The following TECTA variants were observed in gnomAD, a reference collection of about 807,000 sequenced individuals.
The protein encoded by TECTA is tectorin alpha, also known as alpha-tectorin.
TECTA carries 128 observed loss-of-function variants against 216.8 expected under a neutral mutation model. That is an observed-to-expected ratio of 0.59 (90% CI 0.51 to 0.68). TECTA has a LOEUF of 0.68. TECTA is among the 30% of genes least tolerant of loss of function. The pLI, the probability that TECTA is intolerant of heterozygous loss-of-function variation, is 0.00. For missense variants in TECTA, 2,551 were observed against 2,786.2 expected (o/e 0.92, Z 1.90); for synonymous variants, 1,089 against 1,117.1 (o/e 0.97, Z 0.50).
chr11:121,133,306 A>G (rs1946693341), intron 10 of TECTA, among the ~76,000 whole-genome samples: 2 of 152,048 alleles, frequency 1.3e-5, no homozygotes, highest in Non-Finnish European at 2.9e-5. Context: ...GTAAAACTTC[A>G]GTATGTATTT....
At chr11:121,148,801 A>G (rs1188110090) in intron 12 of TECTA, among the ~76,000 whole-genome samples, 3 of 152,232 alleles carry the variant, frequency 2.0e-5, no homozygotes, top group Non-Finnish European at 2.9e-5. Context: ...TTACTCAATT[A>G]CCTTATTTGT....
At chr11:121,173,357 A>T (rs375513839) in intron 20 of TECTA, among the ~76,000 whole-genome samples, 1 of 146,924 alleles carries the variant, frequency 6.8e-6, no homozygotes, top group Non-Finnish European at 1.5e-5. Flanking sequence ...ATCTTGAATT[A>T]ATTTTTGTAT....
Position 121,175,107 on chromosome 11 carries a change from G to A in TECTA, c.5999+6182G>A, listed in dbSNP as rs559724968. 5.3e-4 allele frequency among the ~76,000 whole-genome samples: 80 copies of A among 151,696 alleles called. 2 individuals carry two copies. In the South Asian group the frequency reaches 9.6e-3, roughly 18 times the overall value. ...TTTCTTCTTTATTAATCTTGCTAGCGGTCTATCAATTTTGTTGATCCTTTC... is the reference window on the plus strand; with the variant it reads ...TTTCTTCTTTATTAATCTTGCTAGCAGTCTATCAATTTTGTTGATCCTTTC... On this transcript the variant is annotated intron_variant, in intron 20 of 23. Coordinates refer to ENST00000392793, the MANE Select transcript of TECTA (RefSeq NM_005422.4).
In TECTA at chr11:121,162,275, A is replaced by T. The variant is rs1195581832; in HGVS notation, c.5177A>T (p.Lys1726Met). The change falls in exon 16 of 24, where the codon AAG becomes ATG. Residue 1726 changes from lysine to methionine, a missense_variant. Physicochemically the swap from Lys to Met is moderately conservative, Grantham distance 95. This residue lies in a region of TECTA where 2,375 missense variants were observed against 2,563.9 expected (regional missense o/e 0.93). Transcript: ENST00000392793. ...TACCTGGACGGCTGCTACAGCCACA[A>T]GAAGTTCCAGCTGTGCGGCTCCCTG... ...SCYLDGCYSH[K>M]KFQLCGSLAA... 1.2e-6 allele frequency: 2 copies of T among 1,613,824 alleles called. No individual in the cohort carries two copies. The highest frequency in any genetic ancestry group is 1.7e-6 in the Non-Finnish European group (2 of 1,180,058).
At chr11:121,165,425 G>A (rs1555128740) in intron 17 of TECTA, 42 bp downstream of exon 17, 1 of 1,503,964 alleles carries the variant, frequency 6.6e-7, no homozygotes, top group Non-Finnish European at 9.1e-7. Context: ...AAGGCCCCAT[G>A]GGAGATGCTG....
chr11:121,125,299 C>T lies in TECTA; in HGVS notation c.1204-3C>T. ...TGCCTTTCACTATTACTGTTGTTGG[C>T]AGGTTAATGACCTAGTGACTTCTTT... On this transcript the variant is annotated splice_region_variant and splice_polypyrimidine_tract_variant and intron_variant, in intron 7 of 23. Coordinates refer to ENST00000392793, the MANE Select transcript of TECTA (RefSeq NM_005422.4). 1 of 1,612,258 alleles carries T rather than the reference C, an allele frequency of 6.2e-7. No individual in the cohort carries two copies. Among genetic ancestry groups the T allele is most frequent in the Non-Finnish European group, 8.5e-7 (1 of 1,179,986 alleles).
chr11:121,128,349 G>A lies in TECTA; in HGVS notation c.2367+5G>A, dbSNP rs755772921. 4 of 1,599,304 alleles carry A rather than the reference G, an allele frequency of 2.5e-6. No homozygotes were observed. In the South Asian group the frequency reaches 4.4e-5, roughly 18 times the overall value. On this transcript the variant is annotated splice_donor_5th_base_variant and intron_variant, in intron 9 of 23. Transcript: ENST00000392793. ...ATCGGGGCTTCGGAAGTCAAGGTAA[G>A]GCTCCTTGCTCCTTTGGAGGGGTTC...
At chr11:121,128,610 C>T (rs1946640989) in intron 9 of TECTA, among the ~76,000 whole-genome samples, 1 of 152,216 alleles carries the variant, frequency 6.6e-6, no homozygotes, top group Admixed American at 6.5e-5. Context: ...TTACTATGTG[C>T]CAAGCACTAT....
At chr11:121,186,928 A>G (rs1947294156) in intron 20 of TECTA, among the ~76,000 whole-genome samples, 2 of 152,210 alleles carry the variant, frequency 1.3e-5, no homozygotes, top group South Asian at 4.1e-4. Context: ...TTTCAAATAC[A>G]TGCCACATGC....
At chr11:121,144,853 G>A (rs1040232946) in intron 11 of TECTA, among the ~76,000 whole-genome samples, 21 of 152,300 alleles carry the variant, frequency 1.4e-4, no homozygotes, top group Middle Eastern at 3.4e-3. Flanking sequence ...ATGGAAGAGC[G>A]TACACCCAGC....
chr11:121,112,949 TG>T, intron 4 of TECTA, 122 bp from the exon 5 acceptor site: 1 of 1,232,364 alleles, frequency 8.1e-7, no homozygotes, highest in Non-Finnish European at 1.2e-6. Context: ...CTGGAGGGCC[TG>T]GCTGCAGAGC....
chr11:121,138,072 A>G (rs1318678438), intron 11 of TECTA, 50 bp downstream of exon 11: 1 of 1,610,888 alleles, frequency 6.2e-7, no homozygotes, highest in South Asian at 1.1e-5. Flanking sequence ...AGACGTCAGG[A>G]TGGGGTCGGC....
intron 7 of TECTA, among the ~76,000 whole-genome samples, chr11:121,122,687 A>G (rs1288207616): frequency 6.8e-6 from 1 of 146,650 alleles, no homozygotes; most frequent in Non-Finnish European, 1.5e-5. Flanking sequence ...AAAAAAAAAA[A>G]AAAAAAGAAA....
intron 20 of TECTA, among the ~76,000 whole-genome samples, chr11:121,178,975 C>T (rs1234266371): frequency 6.6e-6 from 1 of 152,024 alleles, no homozygotes; most frequent in Non-Finnish European, 1.5e-5. Context: ...GGTTTTCTCT[C>T]TTTTTTCCCC....
intron 20 of TECTA, among the ~76,000 whole-genome samples, chr11:121,176,765 A>G (rs1481024440): frequency 6.6e-6 from 1 of 151,920 alleles, no homozygotes; most frequent in Non-Finnish European, 1.5e-5. Flanking sequence ...TATCCTGCAG[A>G]GTATTTTCCA....
intron 4 of TECTA, chr11:121,110,412 TAGAG>T (rs1946431455): frequency 6.6e-6 from 1 of 152,118 alleles, no homozygotes; most frequent in Non-Finnish European, 1.5e-5. Context: ...ACGACTGAGT[TAGAG>T]AGAGGTGAAA....
rs138696978 is a variant in TECTA, at chr11:121,130,193, C to T, written c.2923C>T (p.Arg975Trp). ...TGCGGACGTGGAGGTGGGGCCCTGG[C>T]GGACCTATGACTTCTGCCGTAAGTT... ...KNADVEVGPWRTYDFCPLECP... is the reference protein window; with the variant it reads ...KNADVEVGPWWTYDFCPLECP... The change falls in exon 10 of 24, where the codon CGG becomes TGG. Residue 975 changes from arginine to tryptophan, a missense_variant. Around this residue, in one of 3 missense-constraint regions of TECTA, gnomAD observed 2,375 missense variants for 2,563.9 expected, o/e 0.93. Coordinates refer to ENST00000392793, the MANE Select transcript of TECTA (RefSeq NM_005422.4). 231 of 1,600,786 alleles carry T rather than the reference C, an allele frequency of 1.4e-4. No homozygotes were observed. The highest frequency in any genetic ancestry group is 1.9e-4 in the Non-Finnish European group (223 of 1,179,928).
intron 2 of TECTA, among the ~76,000 whole-genome samples, chr11:121,103,553 G>C (rs1482021601): frequency 6.6e-6 from 1 of 151,564 alleles, no homozygotes; most frequent in African/African-American, 2.4e-5. Flanking sequence ...TCCTACCCCA[G>C]CTCCAAGAAA....
At chr11:121,139,023 T>C (rs1296411558) in intron 11 of TECTA, among the ~76,000 whole-genome samples, 2 of 152,348 alleles carry the variant, frequency 1.3e-5, no homozygotes, top group Non-Finnish European at 2.9e-5. Context: ...ACTGACTTCT[T>C]TTCCTGCCTC....
Sources: gnomAD v4.1 joint callset for allele counts (sites outside exome capture counted in the v4.1 genomes callset) on GRCh38, gnomAD v4.1.1 for gene constraint, gnomAD v4.1.1 regional missense constraint, MANE v1.5 for transcripts, NCBI Gene and HGNC (gene_info 2026-07-23, HGNC 2026-07-21) for gene names.